GPD2: variants seen among roughly 807,000 people sequenced by gnomAD.
The protein encoded by GPD2 is glycerol-3-phosphate dehydrogenase, mitochondrial.
In GPD2, 54 loss-of-function variants were observed where a neutral mutation model predicts 82.4. The ratio of observed to expected loss-of-function variants is 0.66; its 90% CI spans 0.53 to 0.82. The LOEUF is 0.82. Ranked by LOEUF, GPD2 falls within the 40% of genes least tolerant of loss-of-function variation. The probability of loss-of-function intolerance (pLI) is 0.00; values close to 1 mark genes in which losing one functional copy is unlikely to be tolerated. For missense variants in GPD2, 748 were observed against 896.2 expected (o/e 0.83, Z 2.11); for synonymous variants, 288 against 306.1 (o/e 0.94, Z 0.62).
At chr2:156,507,694 GC>G (rs1684837615) in intron 3 of GPD2, among the ~76,000 whole-genome samples, 2 of 152,208 alleles carry the variant, frequency 1.3e-5, no homozygotes, top group African/African-American at 2.4e-5. Context: ...GTTCTCAGAG[GC>G]ATCTTCCTTT....
intron 6 of GPD2, among the ~76,000 whole-genome samples, chr2:156,546,622 G>A (rs1686548624): frequency 6.6e-6 from 1 of 152,088 alleles, no homozygotes; most frequent in Non-Finnish European, 1.5e-5. Context: ...CCCAGGGCTC[G>A]GGGATACCAT....
chr2:156,568,272 A>G (rs1186563837), intron 9 of GPD2, among the ~76,000 whole-genome samples: 1 of 152,086 alleles, frequency 6.6e-6, no homozygotes, highest in African/African-American at 2.4e-5. Context: ...GCTTTGTGAG[A>G]TTAAATGAGA....
intron 2 of GPD2, among the ~76,000 whole-genome samples, chr2:156,484,852 TAAAC>T (rs916062179): frequency 1.8e-4 from 27 of 152,114 alleles, no homozygotes; most frequent in Admixed American, 3.9e-4. Context: ...AACAAACAAA[TAAAC>T]AAACAAAAAC....
chr2:156,418,074 G>T, the GPD2 span, among the ~76,000 whole-genome samples: 1 of 152,148 alleles, frequency 6.6e-6, no homozygotes, highest in African/African-American at 2.4e-5. Context: ...AAATAGCTGG[G>T]CATGGTGGCA....
rs570924100 is a variant in GPD2 at position 156,528,536 on chromosome 2, C to G, written c.661+15040C>G. ...ATGTGCCATGCTAGTGCGCTGCACC[C>G]ACTAACTTGTCATCTAGCATTAGGT... is the stretch of plus-strand genomic sequence containing the variant. On this transcript the variant is annotated intron_variant, in intron 6 of 16. Coordinates refer to ENST00000438166, the MANE Select transcript of GPD2 (RefSeq NM_000408.5). 6.5e-3 allele frequency among the ~76,000 whole-genome samples: 982 copies of G among 150,980 alleles called. 13 individuals carry two copies. Among genetic ancestry groups the G allele is most frequent in the African/African-American group, 0.023 (940 of 41,108 alleles).
At chr2:156,454,258 T>C (rs1682715011) in intron 1 of GPD2, among the ~76,000 whole-genome samples, 1 of 152,204 alleles carries the variant, frequency 6.6e-6, no homozygotes, top group Non-Finnish European at 1.5e-5. Context: ...GTTAACTCTT[T>C]AATCTCTTGA....
intron 2 of GPD2, among the ~76,000 whole-genome samples, chr2:156,482,288 C>T (rs537825891): frequency 5.3e-5 from 8 of 152,234 alleles, no homozygotes; most frequent in African/African-American, 1.2e-4. Context: ...TCCTTGCTTC[C>T]GGATCTGAGG....
intron 5 of GPD2, among the ~76,000 whole-genome samples, chr2:156,512,939 A>T (rs1361773777): frequency 6.6e-6 from 1 of 152,160 alleles, no homozygotes; most frequent in Non-Finnish European, 1.5e-5. Context: ...TTCATCCTTC[A>T]TCATAGATCG....
intron 9 of GPD2, among the ~76,000 whole-genome samples, chr2:156,565,538 A>G (rs1186458800): frequency 6.6e-6 from 1 of 152,138 alleles, no homozygotes; most frequent in Non-Finnish European, 1.5e-5. Flanking sequence ...TATTGTCTCC[A>G]GTTAGTAAGA....
At chr2:156,493,918 A>ATATATG (rs2105236739) in intron 2 of GPD2, among the ~76,000 whole-genome samples, 1 of 97,248 alleles carries the variant, frequency 1.0e-5, no homozygotes, top group East Asian at 4.1e-4. Flanking sequence ...TACTTGTTAT[A>ATATATG]TATATGTATG....
At position 156,582,998 on chromosome 2, in the gene GPD2, CTG is replaced by C; in HGVS notation, c.*81_*82del. On this transcript the variant is annotated 3_prime_UTR_variant, in exon 17 of 17. Coordinates refer to ENST00000438166, the MANE Select transcript of GPD2 (RefSeq NM_000408.5). ...ACAACCAGAGATGACTGAAACCACT[CTG>C]AAATAATGAATGTGGATAGCTGCCT... 6.9e-7 allele frequency: 1 copy of C among 1,454,022 alleles called. No individual in the cohort carries two copies. The highest frequency in any genetic ancestry group is 9.6e-7 in the Non-Finnish European group (1 of 1,038,132). The allele number at this position is 1,454,022 out of a possible 1,614,324, so 90.1% of individuals were successfully genotyped here.
At chr2:156,419,305 C>G in the GPD2 span, among the ~76,000 whole-genome samples, 1 of 152,198 alleles carries the variant, frequency 6.6e-6, no homozygotes, top group Admixed American at 6.5e-5. Context: ...GTGATCTGCC[C>G]ACCTGGGCCT....
At chr2:156,550,538 A>G (rs1261208174) in intron 7 of GPD2, 64 bp from the exon 8 acceptor site, 3 of 1,500,728 alleles carry the variant, frequency 2.0e-6, no homozygotes, top group Non-Finnish European at 2.8e-6. Flanking sequence ...TGAATTAGTA[A>G]TACACAGCAT....
intron 6 of GPD2, among the ~76,000 whole-genome samples, chr2:156,517,192 A>G (rs1573953131): frequency 6.6e-6 from 1 of 152,166 alleles, no homozygotes; most frequent in Non-Finnish European, 1.5e-5. Flanking sequence ...TCCTGGCCTC[A>G]AGTGATCCTC....
chr2:156,492,392 A>T (rs1684213522), intron 2 of GPD2, among the ~76,000 whole-genome samples: 1 of 148,932 alleles, frequency 6.7e-6, no homozygotes. Flanking sequence ...ACCTCAGGTG[A>T]TCCTCCTGCT....
At chr2:156,421,405 T>C in the GPD2 span, among the ~76,000 whole-genome samples, 1 of 152,218 alleles carries the variant, frequency 6.6e-6, no homozygotes, top group Non-Finnish European at 1.5e-5. Flanking sequence ...TTCTGTACTT[T>C]TCCTGGGGGC....
chr2:156,582,121 A>G (rs1688048224), intron 16 of GPD2, among the ~76,000 whole-genome samples: 1 of 152,094 alleles, frequency 6.6e-6, no homozygotes. Context: ...TGAAAAGGAA[A>G]AAAATCCCTA....
intron 11 of GPD2, 44 bp from the exon 12 acceptor site, chr2:156,570,043 A>G: frequency 6.3e-7 from 1 of 1,579,474 alleles, no homozygotes; most frequent in Non-Finnish European, 8.7e-7. Context: ...CCTAGAAGCT[A>G]TTGATATTCA....
intron 6 of GPD2, among the ~76,000 whole-genome samples, chr2:156,516,249 A>G (rs1685192364): frequency 6.6e-6 from 1 of 152,228 alleles, no homozygotes; most frequent in Non-Finnish European, 1.5e-5. Flanking sequence ...AGTGATTTCA[A>G]GTTGCATTCA....
Sources: gnomAD v4.1 joint callset for allele counts (sites outside exome capture counted in the v4.1 genomes callset) on GRCh38, gnomAD v4.1.1 for gene constraint, MANE v1.5 for transcripts, NCBI Gene and HGNC (gene_info 2026-07-23, HGNC 2026-07-21) for gene names.